Variants in CHODL observed in about 807,000 individuals in gnomAD.
CHODL encodes the protein transmembrane protein MT75.
CHODL carries 29 observed loss-of-function variants against 34.5 expected under a neutral mutation model. The observed-to-expected ratio is 0.84, with a 90% CI of 0.63 to 1.15. The LOEUF (loss-of-function observed/expected upper bound fraction) is 1.15, where lower values mean the gene tolerates loss of function less well. CHODL is among the 50% of genes most tolerant of loss of function. CHODL has a pLI of 0.00. For missense variants in CHODL, 332 were observed against 332.5 expected (o/e 1.00, Z 0.01); for synonymous variants, 125 against 116.1 (o/e 1.08, Z -0.49).
intron 2 of CHODL, among the ~76,000 whole-genome samples, chr21:18,104,247 G>A (rs959650991): frequency 4.6e-5 from 7 of 152,032 alleles, no homozygotes; most frequent in African/African-American, 7.2e-5. Flanking sequence ...CACCATACAC[G>A]TGTCAAGGTA....
intron 2 of CHODL, among the ~76,000 whole-genome samples, chr21:18,129,617 C>G (rs1214858578): frequency 6.6e-6 from 1 of 152,156 alleles, no homozygotes; most frequent in Non-Finnish European, 1.5e-5. Flanking sequence ...CTAACATCAT[C>G]TGGCATTGGT....
At chr21:17,928,407 G>T (rs1389386408) in intron 1 of CHODL, among the ~76,000 whole-genome samples, 1 of 152,150 alleles carries the variant, frequency 6.6e-6, no homozygotes, top group Admixed American at 6.5e-5. Context: ...GATGCTGGGG[G>T]AAGGCTACCC....
intron 1 of CHODL, among the ~76,000 whole-genome samples, chr21:18,252,524 G>A (rs968192188): frequency 2.6e-5 from 4 of 152,106 alleles, no homozygotes; most frequent in Admixed American, 6.6e-5. Flanking sequence ...TCAGCTGAAA[G>A]AGTGGTGAGA....
rs191473183 is a variant in CHODL at position 18,136,296 on chromosome 21, T to C, written c.-45+108325T>C. 1.2e-4 allele frequency among the ~76,000 whole-genome samples: 18 copies of C among 152,260 alleles called. 1 individual carries two copies. In the East Asian group the frequency reaches 3.5e-3, roughly 29 times the overall value. On this transcript the variant is annotated intron_variant, in intron 2 of 6. Coordinates refer to the CHODL transcript ENST00000400127. ...TACTTCAGTTTGGGATTAGGATTAC[T>C]TCTATTTTTAATGGATACTATTTCC...
At chr21:18,066,711 A>C (rs537279854) in intron 2 of CHODL, among the ~76,000 whole-genome samples, 1 of 152,290 alleles carries the variant, frequency 6.6e-6, no homozygotes, top group East Asian at 1.9e-4. Flanking sequence ...AGTACCTCCG[A>C]ATGTGACTTT....
At chr21:18,247,253 C>T (rs1226754060) in intron 1 of CHODL, among the ~76,000 whole-genome samples, 1 of 152,074 alleles carries the variant, frequency 6.6e-6, no homozygotes, top group African/African-American at 2.4e-5. Flanking sequence ...CCACTTGGGA[C>T]CATTCACCAA....
intron 1 of CHODL, among the ~76,000 whole-genome samples, chr21:17,978,485 G>A (rs1326623277): frequency 2.6e-5 from 4 of 151,568 alleles, no homozygotes; most frequent in African/African-American, 7.3e-5. Context: ...TTGGGAGGCC[G>A]AGGTGGGCGG....
At chr21:17,940,768 T>C (rs1445447254) in intron 1 of CHODL, among the ~76,000 whole-genome samples, 1 of 152,138 alleles carries the variant, frequency 6.6e-6, no homozygotes, top group African/African-American at 2.4e-5. Flanking sequence ...GTAGAAGCTC[T>C]TCTAAACAAT....
intron 1 of CHODL, among the ~76,000 whole-genome samples, chr21:18,011,934 A>G (rs1433893263): frequency 6.6e-6 from 1 of 152,230 alleles, no homozygotes. Flanking sequence ...AGAAGACTAC[A>G]AATCAACTTA....
chr21:18,246,012 C>G lies in CHODL; in HGVS notation c.79+710C>G, dbSNP rs8130922. The G allele has an allele frequency of 5.2e-3, 6,996 of 1,337,314 alleles. 282 individuals are homozygous for G. In the African/African-American group the frequency reaches 0.085, roughly 16 times the overall value. 82.8% of individuals were successfully genotyped at this position (1,337,314 alleles called of 1,614,324 possible). ...TCGGTCGAGTCAGTGCATGGGAAAT[C>G]GATCAAAATTGGCAAGCTTCCCAGG... is the stretch of plus-strand genomic sequence containing the variant. On this transcript the variant is annotated intron_variant, in intron 1 of 5. Coordinates refer to ENST00000299295, the MANE Select transcript of CHODL (RefSeq NM_024944.3).
intron 2 of CHODL, among the ~76,000 whole-genome samples, chr21:18,220,222 C>A (rs967112543): frequency 1.3e-5 from 2 of 152,080 alleles, no homozygotes. Flanking sequence ...TGTGTCTTTA[C>A]AAGTGAAGTC....
At chr21:17,926,977 GAC>G (rs1191930220) in intron 1 of CHODL, among the ~76,000 whole-genome samples, 34 of 149,606 alleles carry the variant, frequency 2.3e-4, no homozygotes, top group Middle Eastern at 3.4e-3. Context: ...TAAATACACA[GAC>G]ACACACACAC....
Position 18,031,534 on chromosome 21 carries a change from A to AT in CHODL, c.-45+3570dup, listed in dbSNP as rs202134096. ...TATTTGCCAAAATTATGAAAAATAG[A>AT]TTTTTTTGGGGGGGAGAAAAATGCC... On this transcript the variant is annotated intron_variant, in intron 2 of 6. Transcript: ENST00000400127. Among the ~76,000 whole-genome samples the AT allele has an allele frequency of 5.3e-3, 809 of 152,074 alleles. 4 individuals carry two copies. The highest frequency in any genetic ancestry group is 0.018 in the African/African-American group (759 of 41,516).
chr21:18,053,376 A>T (rs2064540186), intron 2 of CHODL, among the ~76,000 whole-genome samples: 1 of 151,976 alleles, frequency 6.6e-6, no homozygotes, highest in Non-Finnish European at 1.5e-5. Flanking sequence ...TTGACCTCAG[A>T]AGACATTTTG....
Position 18,023,543 on chromosome 21 carries a change from C to T in CHODL, c.-144-4329C>T, listed in dbSNP as rs73892831. Among the ~76,000 whole-genome samples the T allele has an allele frequency of 7.3e-3, 1,109 of 152,096 alleles. 17 individuals are homozygous for T. The highest frequency in any genetic ancestry group is 0.025 in the African/African-American group (1,045 of 41,484). ...AGTGTCAAATGTGTGGAGTTGTTGGCTGTGCATCTGGGTCCACTCTTGTTG... is the reference window on the plus strand; with the variant it reads ...AGTGTCAAATGTGTGGAGTTGTTGGTTGTGCATCTGGGTCCACTCTTGTTG... On this transcript the variant is annotated intron_variant, in intron 1 of 6. Coordinates refer to the CHODL transcript ENST00000400127.
At chr21:18,225,142 G>T (rs1432801628) in intron 2 of CHODL, among the ~76,000 whole-genome samples, 1 of 151,128 alleles carries the variant, frequency 6.6e-6, no homozygotes, top group Non-Finnish European at 1.5e-5. Context: ...GAAAGTTTAA[G>T]CACATCTACA....
intron 2 of CHODL, among the ~76,000 whole-genome samples, chr21:18,170,460 A>G (rs997469493): frequency 1.1e-4 from 17 of 152,136 alleles, no homozygotes; most frequent in African/African-American, 2.9e-4. Flanking sequence ...TTTATTTTCT[A>G]TAAGTTTTAT....
chr21:18,249,008 A>T (rs188074505), intron 1 of CHODL, among the ~76,000 whole-genome samples: 6,072 of 108,978 alleles, frequency 0.056, 230 homozygotes, highest in Non-Finnish European at 0.08. Context: ...ATTTATATAT[A>T]ATATATATTA....
intron 2 of CHODL, among the ~76,000 whole-genome samples, chr21:18,158,029 C>A (rs1345914181): frequency 1.4e-5 from 2 of 145,454 alleles, no homozygotes; most frequent in Non-Finnish European, 3.0e-5. Flanking sequence ...GGTTTTATAG[C>A]GTGCTTTGAG....
Sources: gnomAD v4.1 joint callset for allele counts (sites outside exome capture counted in the v4.1 genomes callset) on GRCh38, gnomAD v4.1.1 for gene constraint, MANE v1.5 for transcripts, NCBI Gene and HGNC (gene_info 2026-07-23, HGNC 2026-07-21) for gene names.